The following PLEKHA6 variants were observed in gnomAD, a reference collection of about 807,000 sequenced individuals.
PLEKHA6 encodes pleckstrin homology domain-containing family A member 6.
PLEKHA6 carries 60 observed loss-of-function variants against 116.7 expected under a neutral mutation model. The observed-to-expected ratio is 0.51, with a 90% confidence interval of 0.42 to 0.64. The LOEUF is 0.64. PLEKHA6 is among the 30% of genes least tolerant of loss of function. The probability of loss-of-function intolerance (pLI) is 0.00; values close to 1 mark genes in which losing one functional copy is unlikely to be tolerated. For missense variants in PLEKHA6, 1,338 were observed against 1,422.7 expected (o/e 0.94, Z 0.96); for synonymous variants, 489 against 556.1 (o/e 0.88, Z 1.70).
At chr1:204,378,025 G>A (rs975673899), upstream of PLEKHA6, 5 of 152,250 alleles carry the variant, frequency 3.3e-5, no homozygotes, top group African/African-American at 1.2e-4. Flanking sequence ...CTCCTGCCGG[G>A]ACTGTTAACG....
Position 204,273,652 on chromosome 1 carries a change from C to A in PLEKHA6, c.76G>T (p.Val26Phe). 1 of 1,614,158 alleles carries A rather than the reference C, an allele frequency of 6.2e-7. No homozygotes were observed. The highest frequency in any genetic ancestry group is 8.5e-7 in the Non-Finnish European group (1 of 1,179,980). ...CGGACGCTGGGCCGCTCTGGAGGGACCTCGGACACCATGTTGTGGTTGGGT... is the reference window on the plus strand; with the variant it reads ...CGGACGCTGGGCCGCTCTGGAGGGAACTCGGACACCATGTTGTGGTTGGGT... ...DIPNHNMVSEVPPERPSVRAT... is the reference protein window; with the variant it reads ...DIPNHNMVSEFPPERPSVRAT... Residue 26 changes from valine to phenylalanine, a missense_variant, in exon 3 of 23, where the codon GTC (valine) becomes TTC (phenylalanine). Val to Phe is a conservative substitution (Grantham distance 50). Around this residue, in one of 3 missense-constraint regions of PLEKHA6, gnomAD observed 62 missense variants for 61.7 expected, o/e 1.01. Coordinates refer to ENST00000272203, the MANE Select transcript of PLEKHA6 (RefSeq NM_014935.5).
rs907152484 is a variant in PLEKHA6, at chr1:204,221,307, G to A, written c.*1481C>T. On this transcript the variant is annotated 3_prime_UTR_variant, in exon 23 of 23. Transcript: ENST00000272203. ...TGCAGAGGAATTAGTAGGTGTTCTT[G>A]GGACCGCTGGAAGTCAGGCTGAAGC... The A allele has an allele frequency of 6.6e-6, 1 of 152,654 alleles. No individual in the cohort carries two copies. Among genetic ancestry groups the A allele is most frequent in the Non-Finnish European group, 1.5e-5 (1 of 68,050 alleles). The allele number at this position is 152,654 out of a possible 1,614,324, so 9.5% of individuals were successfully genotyped here. A position where few individuals can be genotyped will look rare whatever the true frequency, so the allele number is the denominator to read the frequency against.
chr1:204,358,133 C>T (rs1673466041), intron 1 of PLEKHA6, among the ~76,000 whole-genome samples: 1 of 152,226 alleles, frequency 6.6e-6, no homozygotes, highest in South Asian at 2.1e-4. Flanking sequence ...CACACCAGTG[C>T]TAACACATTT....
At chr1:204,297,551 C>T (rs1215927973) in intron 1 of PLEKHA6, among the ~76,000 whole-genome samples, 1 of 151,836 alleles carries the variant, frequency 6.6e-6, no homozygotes, top group Non-Finnish European at 1.5e-5. Context: ...CTACTCCATA[C>T]TAGCAATGGG....
intron 1 of PLEKHA6, among the ~76,000 whole-genome samples, chr1:204,288,145 A>C (rs2103011621): frequency 6.6e-6 from 1 of 151,836 alleles, no homozygotes; most frequent in East Asian, 1.9e-4. Context: ...TCTAGCCCTG[A>C]CTCCTTTCAC....
At chr1:204,322,007 A>C (rs1672080094) in intron 1 of PLEKHA6, among the ~76,000 whole-genome samples, 1 of 152,242 alleles carries the variant, frequency 6.6e-6, no homozygotes, top group African/African-American at 2.4e-5. Context: ...AACTAAAAAC[A>C]TAAACCACCA....
At position 204,223,649 on chromosome 1, in the gene PLEKHA6, A is replaced by G. The variant is rs567168543; in HGVS notation, c.3032-64T>C. On this transcript the variant is annotated intron_variant, in intron 21 of 22. Coordinates refer to ENST00000272203, the MANE Select transcript of PLEKHA6 (RefSeq NM_014935.5). The surrounding 1 kb of genome is among the most constrained non-coding windows in gnomAD (Gnocchi z 4.8). ...GTGGGGGAGGAGGGTGGGCACCCAG[A>G]GCAAGCGAGGCCCTCCCCAGGCAGG... is the stretch of plus-strand genomic sequence containing the variant. The G allele has an allele frequency of 9.2e-5, 60 of 655,602 alleles. No individual in the cohort carries two copies. The African/African-American group carries it at 1.1e-3, about 12-fold the overall frequency. The allele number at this position is 655,602 out of a possible 1,614,324, so 40.6% of individuals were successfully genotyped here.
intron 1 of PLEKHA6, among the ~76,000 whole-genome samples, chr1:204,281,532 C>CA (rs60236291): frequency 5.6e-4 from 82 of 146,518 alleles, no homozygotes; most frequent in East Asian, 1.8e-3. Flanking sequence ...CTCAAAAAAA[C>CA]AAAAAAAACA....
chr1:204,347,168 T>C (rs1673090117), intron 1 of PLEKHA6: 1 of 1,135,984 alleles, frequency 8.8e-7, no homozygotes, highest in East Asian at 2.3e-5. Context: ...TAGACTCGCA[T>C]ATACGTGGCC....
intron 9 of PLEKHA6, among the ~76,000 whole-genome samples, chr1:204,250,979 C>T (rs1284065434): frequency 6.6e-6 from 1 of 152,188 alleles, no homozygotes; most frequent in Non-Finnish European, 1.5e-5. Context: ...CCATGGCTGT[C>T]TGTGGGGTTA....
Position 204,268,293 on chromosome 1 carries a change from T to A in PLEKHA6, c.122A>T (p.Lys41Ile). 3.1e-6 allele frequency: 5 copies of A among 1,609,360 alleles called. No homozygotes were observed. The highest frequency in any genetic ancestry group is 4.2e-6 in the Non-Finnish European group (5 of 1,177,842). Reference sequence around the variant, plus strand: ...TGAGCGCTTGCCAAAGGCGACGGCTTTGCGGGCTGTGCGAGTTGCCTGGGG... The same window carrying A: ...TGAGCGCTTGCCAAAGGCGACGGCTATGCGGGCTGTGCGAGTTGCCTGGGG... ...PSVRATRTAR[K>I]AVAFGKRSHS... The change falls in exon 4 of 23, where the codon AAA becomes ATA. Residue 41 changes from lysine (K) to isoleucine (I), a missense_variant. Physicochemically the swap from Lys to Ile is moderately radical, Grantham distance 102. This residue lies in a region of PLEKHA6 where 62 missense variants were observed against 61.7 expected (regional missense o/e 1.01). Coordinates refer to ENST00000272203, the MANE Select transcript of PLEKHA6 (RefSeq NM_014935.5).
In PLEKHA6 at chr1:204,244,947, A is replaced by G. The variant is rs200841103; in HGVS notation, c.2089T>C (p.Ser697Pro). The change falls in exon 15 of 23, where the codon TCT (serine) becomes CCT (proline). Residue 697 changes from serine (S) to proline (P), a missense_variant. Physicochemically the swap from Ser to Pro is moderately conservative, Grantham distance 74. Coordinates refer to ENST00000272203, the MANE Select transcript of PLEKHA6 (RefSeq NM_014935.5). ...CTCAGGGGGCTGGTGAGGCTGGCAG[A>G]GCTGAGGGGGCTGGCCGGGCTGTTG... is the stretch of plus-strand genomic sequence containing the variant. ...SSNSPASPLSSASLTSPLSPF... is the reference protein window; with the variant it reads ...SSNSPASPLSPASLTSPLSPF... The G allele has an allele frequency of 2.6e-4, 381 of 1,485,180 alleles. 3 individuals carry two copies. The highest frequency in any genetic ancestry group is 1.2e-4 in the Admixed American group (5 of 41,124). The allele number at this position is 1,485,180 out of a possible 1,614,324, so 92.0% of individuals were successfully genotyped here. A position where few individuals can be genotyped will look rare whatever the true frequency, so the allele number is the denominator to read the frequency against.
intron 1 of PLEKHA6, among the ~76,000 whole-genome samples, chr1:204,372,312 C>A (rs1673791306): frequency 6.6e-6 from 1 of 152,208 alleles, no homozygotes; most frequent in Non-Finnish European, 1.5e-5. Context: ...AAGGCAGGCT[C>A]CCCAGCAACA....
intron 14 of PLEKHA6, 71 bp downstream of exon 14, chr1:204,245,544 T>G: frequency 1.1e-6 from 1 of 872,146 alleles, no homozygotes; most frequent in South Asian, 1.4e-5. Context: ...AGGAGTGGGA[T>G]GGAGGTCAGA....
chr1:204,344,429 G>A (rs1383853228), intron 1 of PLEKHA6, among the ~76,000 whole-genome samples: 4 of 151,794 alleles, frequency 2.6e-5, no homozygotes, highest in East Asian at 1.9e-4. Context: ...GTGAAACCCC[G>A]TCTCTACTAA....
intron 17 of PLEKHA6, among the ~76,000 whole-genome samples, chr1:204,232,253 G>GA (rs1661295675): frequency 6.6e-6 from 1 of 152,148 alleles, no homozygotes; most frequent in Non-Finnish European, 1.5e-5. Context: ...GTACTTACAG[G>GA]AAAATGATAC....
At chr1:204,231,956 T>C (rs1275353275) in intron 17 of PLEKHA6, among the ~76,000 whole-genome samples, 1 of 152,154 alleles carries the variant, frequency 6.6e-6, no homozygotes, top group Non-Finnish European at 1.5e-5. Context: ...GCTGAATCCA[T>C]GGATGCGGAA....
chr1:204,247,691 T>C (rs923204675), intron 12 of PLEKHA6, among the ~76,000 whole-genome samples: 10 of 151,876 alleles, frequency 6.6e-5, no homozygotes, highest in Non-Finnish European at 1.2e-4. Flanking sequence ...AAAGAGAAAA[T>C]GGAGAGGGAT....
At chr1:204,222,847 C>T (rs938799891) in intron 22 of PLEKHA6, 68 bp from the exon 23 acceptor site, 6 of 154,798 alleles carry the variant, frequency 3.9e-5, no homozygotes, top group Non-Finnish European at 8.6e-5. Flanking sequence ...CCAACCTTCC[C>T]AGGAAAAAGA....
Sources: gnomAD v4.1 joint callset for allele counts (sites outside exome capture counted in the v4.1 genomes callset) on GRCh38, gnomAD v4.1.1 for gene constraint, gnomAD v4.1.1 regional missense constraint, Gnocchi (gnomAD v3.1) non-coding constraint, MANE v1.5 for transcripts, NCBI Gene and HGNC (gene_info 2026-07-23, HGNC 2026-07-21) for gene names.